Variants in WDR25 observed in about 807,000 individuals in gnomAD.
The protein encoded by WDR25 is WD repeat-containing protein 25.
In WDR25, 35 loss-of-function variants were observed where a neutral mutation model predicts 47.7. The observed-to-expected ratio is 0.73, with a 90% CI of 0.56 to 0.97. The LOEUF (loss-of-function observed/expected upper bound fraction) is 0.97, where lower values mean the gene tolerates loss of function less well. Ranked by LOEUF, WDR25 falls within the 50% of genes least tolerant of loss-of-function variation. The pLI is 0.00. For missense variants in WDR25, 634 were observed against 704.7 expected (o/e 0.90, Z 1.14); for synonymous variants, 248 against 278.9 (o/e 0.89, Z 1.10).
chr14:100,397,125 C>A (rs1897276591), intron 2 of WDR25, among the ~76,000 whole-genome samples: 1 of 152,222 alleles, frequency 6.6e-6, no homozygotes, highest in African/African-American at 2.4e-5. Flanking sequence ...TGCCTAAAAA[C>A]ACTTAACGAG....
intron 4 of WDR25, among the ~76,000 whole-genome samples, chr14:100,495,558 C>T (rs2140338737): frequency 6.6e-6 from 1 of 152,300 alleles, no homozygotes; most frequent in Non-Finnish European, 1.5e-5. Flanking sequence ...CAATGAGCCT[C>T]TAGCAATTTG....
chr14:100,469,291 T>G (rs1015505687), intron 3 of WDR25, among the ~76,000 whole-genome samples: 2 of 152,156 alleles, frequency 1.3e-5, no homozygotes, highest in East Asian at 3.8e-4. Flanking sequence ...GTTTCCACCT[T>G]GAGTGTGGGC....
At chr14:100,482,677 G>A (rs1333813718) in intron 3 of WDR25, among the ~76,000 whole-genome samples, 1 of 152,184 alleles carries the variant, frequency 6.6e-6, no homozygotes, top group Non-Finnish European at 1.5e-5. Flanking sequence ...AGCTGGTAGA[G>A]CCCTTCACTA....
chr14:100,477,441 A>G (rs908261431), intron 3 of WDR25, among the ~76,000 whole-genome samples: 1 of 152,240 alleles, frequency 6.6e-6, no homozygotes, highest in African/African-American at 2.4e-5. Context: ...TCAGTTTCCT[A>G]TAATAAGCAT....
chr14:100,413,819 T>G (rs1241149886), intron 2 of WDR25, among the ~76,000 whole-genome samples: 1 of 152,236 alleles, frequency 6.6e-6, no homozygotes, highest in Non-Finnish European at 1.5e-5. Context: ...GGGCGTAGCC[T>G]TTAGTGTCTG....
chr14:100,453,330 C>T (rs1317982862), intron 2 of WDR25, among the ~76,000 whole-genome samples: 3 of 152,190 alleles, frequency 2.0e-5, no homozygotes, highest in Non-Finnish European at 4.4e-5. Context: ...GTGCCTGCCC[C>T]ACCTCTCACA....
At chr14:100,512,971 A>G (rs970518745) in intron 4 of WDR25, among the ~76,000 whole-genome samples, 4 of 152,116 alleles carry the variant, frequency 2.6e-5, no homozygotes, top group Non-Finnish European at 5.9e-5. Flanking sequence ...ATTCTTTTAA[A>G]TTTATTTAGA....
intron 2 of WDR25, among the ~76,000 whole-genome samples, chr14:100,401,349 T>G (rs1897377156): frequency 6.6e-6 from 1 of 152,214 alleles, no homozygotes; most frequent in African/African-American, 2.4e-5. Context: ...GCTTATCACC[T>G]TCTCTGGTTG....
chr14:100,444,776 G>A (rs577866277), intron 2 of WDR25, among the ~76,000 whole-genome samples: 1 of 152,222 alleles, frequency 6.6e-6, no homozygotes, highest in African/African-American at 2.4e-5. Context: ...ACGTCCTTAG[G>A]GACTTGAGCC....
rs1413774003 is a variant in WDR25 at position 100,424,760 on chromosome 14, G to A, written c.822+43014G>A. Among the ~76,000 whole-genome samples the A allele has an allele frequency of 2.0e-5, 3 of 152,284 alleles. 1 individual carries two copies. Among genetic ancestry groups the A allele is most frequent in the Admixed American group, 2.0e-4 (3 of 15,302 alleles). On this transcript the variant is annotated intron_variant, in intron 2 of 6. Transcript: ENST00000402312. The surrounding 1 kb of genome is among the most constrained non-coding windows in gnomAD (Gnocchi z 4.2). ...GTTCCTTTCAGCAGCAGTGGCAGCCGTGACCACCTACTATGGACCAGCTTC... is the reference window on the plus strand; with the variant it reads ...GTTCCTTTCAGCAGCAGTGGCAGCCATGACCACCTACTATGGACCAGCTTC...
chr14:100,475,218 G>A (rs1006213893), intron 3 of WDR25, among the ~76,000 whole-genome samples: 18 of 152,210 alleles, frequency 1.2e-4, no homozygotes, highest in Admixed American at 5.2e-4. Context: ...AAATAGTGTG[G>A]AGGTTCTTCA....
chr14:100,382,569 A>T (rs1353028339), intron 2 of WDR25, among the ~76,000 whole-genome samples: 2 of 152,164 alleles, frequency 1.3e-5, no homozygotes, highest in Non-Finnish European at 2.9e-5. Flanking sequence ...TACTGAAGTG[A>T]TAGTAATGTA....
chr14:100,449,791 G>A lies in WDR25; in HGVS notation c.823-18230G>A, dbSNP rs554824111. 2.6e-4 allele frequency among the ~76,000 whole-genome samples: 40 copies of A among 152,226 alleles called. No homozygotes were observed. Among genetic ancestry groups the A allele is most frequent in the South Asian group, 1.5e-3 (7 of 4,822 alleles). On this transcript the variant is annotated intron_variant, in intron 2 of 6. Transcript: ENST00000402312. This position sits in a 1 kb window ranked among gnomAD's most constrained non-coding sequence, Gnocchi z 4.2. ...ACTTGTAGAGGTGGCACCATCATGCGGTCATAGGATGAGACGTCCCAGGTT... is the reference window on the plus strand; with the variant it reads ...ACTTGTAGAGGTGGCACCATCATGCAGTCATAGGATGAGACGTCCCAGGTT...
At chr14:100,507,935 C>T (rs1035917519) in intron 4 of WDR25, among the ~76,000 whole-genome samples, 1 of 151,928 alleles carries the variant, frequency 6.6e-6, no homozygotes, top group Non-Finnish European at 1.5e-5. Context: ...ACTCATTCTA[C>T]AAAGCCAACA....
intron 2 of WDR25, among the ~76,000 whole-genome samples, chr14:100,467,547 G>A (rs1899677288): frequency 6.6e-6 from 1 of 152,122 alleles, no homozygotes; most frequent in Non-Finnish European, 1.5e-5. Flanking sequence ...AGGTTGGAGG[G>A]CAGTGGTGCA....
At position 100,402,832 on chromosome 14, in the gene WDR25, G is replaced by A. The variant is rs199592469; in HGVS notation, c.822+21086G>A. ...TAAGCAGAGAAATTACTAACACCTC[G>A]TGACCACCGTGGAGCAGAGCCAGGG... On this transcript the variant is annotated intron_variant, in intron 2 of 6. Coordinates refer to ENST00000402312, the MANE Select transcript of WDR25 (RefSeq NM_001161476.3). 2.3e-3 allele frequency among the ~76,000 whole-genome samples: 347 copies of A among 152,198 alleles called. 1 individual carries two copies. Among genetic ancestry groups the A allele is most frequent in the African/African-American group, 8.0e-3 (334 of 41,540 alleles).
chr14:100,450,036 C>T (rs1898973173), intron 2 of WDR25, among the ~76,000 whole-genome samples: 1 of 152,242 alleles, frequency 6.6e-6, no homozygotes, highest in Non-Finnish European at 1.5e-5. Context: ...ACCCTCTTCA[C>T]TTGTCTCCTT....
chr14:100,426,315 G>A (rs1457293524), intron 2 of WDR25, among the ~76,000 whole-genome samples: 2 of 152,216 alleles, frequency 1.3e-5, no homozygotes, highest in African/African-American at 4.8e-5. Flanking sequence ...CTGAGAATGG[G>A]CTTCCAACTC....
At chr14:100,444,939 C>T (rs563761964) in intron 2 of WDR25, among the ~76,000 whole-genome samples, 10 of 152,304 alleles carry the variant, frequency 6.6e-5, no homozygotes, top group Non-Finnish European at 1.0e-4. Flanking sequence ...AGATTAGCCC[C>T]GTTTTCTAGC....
Sources: allele counts gnomAD v4.1 joint callset (sites outside exome capture counted in the v4.1 genomes callset), GRCh38; gene constraint gnomAD v4.1.1; non-coding constraint Gnocchi (gnomAD v3.1); transcripts MANE v1.5; gene names NCBI Gene and HGNC (gene_info 2026-07-23, HGNC 2026-07-21).